The following AMD1 variants were observed in gnomAD, a reference collection of about 807,000 sequenced individuals.
The protein encoded by AMD1 is S-adenosylmethionine decarboxylase proenzyme.
In AMD1, 11 loss-of-function variants were observed where a neutral mutation model predicts 40.2. The ratio of observed to expected loss-of-function variants is 0.27; its 90% CI spans 0.17 to 0.45. The LOEUF (loss-of-function observed/expected upper bound fraction) is 0.45, where lower values mean the gene tolerates loss of function less well. AMD1 is among the 20% of genes least tolerant of loss of function. The pLI is 1.00. For synonymous variants in AMD1, 121 were observed against 130.8 expected (o/e 0.93, Z 0.51); for missense variants, 257 against 410.2 (o/e 0.63, Z 3.23).
At chr6:110,892,031 C>G (rs1010537299) in intron 4 of AMD1, 130 bp from the exon 5 acceptor site, 2 of 1,096,314 alleles carry the variant, frequency 1.8e-6, no homozygotes, top group African/African-American at 3.1e-5. Context: ...CTACTATGCC[C>G]AGTCCACTGA....
At chr6:110,893,197 T>G in intron 8 of AMD1, 132 bp downstream of exon 8, 2 of 963,162 alleles carry the variant, frequency 2.1e-6, no homozygotes, top group Non-Finnish European at 3.0e-6. Flanking sequence ...AGTAATATTG[T>G]TTGAGGTTAC....
the AMD1 span, among the ~76,000 whole-genome samples, chr6:110,835,623 T>C: frequency 2.0e-5 from 3 of 152,012 alleles, no homozygotes; most frequent in Non-Finnish European, 4.4e-5. Context: ...CCCAGCACTT[T>C]GGGAGGCCAA....
chr6:110,869,758 C>T, the AMD1 span, among the ~76,000 whole-genome samples: 1 of 152,254 alleles, frequency 6.6e-6, no homozygotes, highest in East Asian at 1.9e-4. Context: ...ATCCACCAGT[C>T]TTGGCCTCCC....
the AMD1 span, among the ~76,000 whole-genome samples, chr6:110,855,065 C>CTCTTTTTTTTTTTTTTTTTTTTTTTTTTT: frequency 1.2e-5 from 1 of 80,446 alleles, no homozygotes; most frequent in East Asian, 5.1e-4. Context: ...CTCTCTCTCT[C>CTCTTTTTTTTTTTTTTTTTTTTTTTTTTT]TTTTTTTTTT....
the AMD1 span, among the ~76,000 whole-genome samples, chr6:110,821,321 G>A: frequency 3.5e-4 from 54 of 152,190 alleles, no homozygotes; most frequent in South Asian, 6.2e-4. Context: ...GAGACAAGCC[G>A]GGCACAGTGG....
At chr6:110,839,774 A>C in the AMD1 span, among the ~76,000 whole-genome samples, 7,753 of 152,188 alleles carry the variant, frequency 0.051, 205 homozygotes, top group Middle Eastern at 0.078. Flanking sequence ...GACAATTATA[A>C]TTGGAGCTTA....
At chr6:110,883,562 C>T (rs1214768815) in intron 1 of AMD1, among the ~76,000 whole-genome samples, 1 of 152,142 alleles carries the variant, frequency 6.6e-6, no homozygotes, top group East Asian at 1.9e-4. Context: ...AGGCAGATGT[C>T]TAAAACAACG....
At chr6:110,867,595 TGGA>T in the AMD1 span, among the ~76,000 whole-genome samples, 1 of 152,212 alleles carries the variant, frequency 6.6e-6, no homozygotes, top group East Asian at 1.9e-4. Context: ...ACCAGGGAAG[TGGA>T]GGTTGCAGTG....
the AMD1 span, among the ~76,000 whole-genome samples, chr6:110,824,858 T>C: frequency 6.6e-6 from 1 of 152,168 alleles, no homozygotes; most frequent in Non-Finnish European, 1.5e-5. Flanking sequence ...CGTTAGCTAA[T>C]ATAAGCCTCA....
chr6:110,849,810 G>A, the AMD1 span, among the ~76,000 whole-genome samples: 6 of 152,128 alleles, frequency 3.9e-5, no homozygotes, highest in South Asian at 2.1e-4. Flanking sequence ...GCTTGAGCCC[G>A]TGAGTTCAAG....
the AMD1 span, among the ~76,000 whole-genome samples, chr6:110,867,286 C>T: frequency 1.3e-5 from 2 of 152,024 alleles, no homozygotes; most frequent in Admixed American, 1.3e-4. Context: ...ATAGCTGGGA[C>T]TACAAGCATG....
chr6:110,857,215 G>C, the AMD1 span, among the ~76,000 whole-genome samples: 1 of 151,490 alleles, frequency 6.6e-6, no homozygotes, highest in Non-Finnish European at 1.5e-5. Context: ...TAACAGAATA[G>C]CTTTTGTTCT....
the AMD1 span, among the ~76,000 whole-genome samples, chr6:110,836,872 G>A: frequency 6.6e-6 from 1 of 152,126 alleles, no homozygotes; most frequent in Non-Finnish European, 1.5e-5. Flanking sequence ...AATGTTTTCA[G>A]GCTAGGCACC....
chr6:110,857,785 T>G, the AMD1 span, among the ~76,000 whole-genome samples: 1 of 147,268 alleles, frequency 6.8e-6, no homozygotes, highest in Non-Finnish European at 1.5e-5. Context: ...TATATATATA[T>G]AGATGGTATA....
At chr6:110,849,370 CT>C in the AMD1 span, among the ~76,000 whole-genome samples, 1 of 152,108 alleles carries the variant, frequency 6.6e-6, no homozygotes, top group Non-Finnish European at 1.5e-5. Flanking sequence ...ATTTTGAAGT[CT>C]TCATCAGTAT....
the AMD1 span, among the ~76,000 whole-genome samples, chr6:110,827,634 G>A: frequency 1.3e-5 from 2 of 152,074 alleles, no homozygotes; most frequent in African/African-American, 4.8e-5. Flanking sequence ...GCGTGGTGGG[G>A]GGCACCTGTA....
chr6:110,858,631 C>A, the AMD1 span: 1 of 1,410,212 alleles, frequency 7.1e-7, no homozygotes, highest in Non-Finnish European at 1.0e-6. Flanking sequence ...TGAGTAAGGC[C>A]AGGACTAAGG....
At chr6:110,833,303 C>T in the AMD1 span, among the ~76,000 whole-genome samples, 1 of 152,154 alleles carries the variant, frequency 6.6e-6, no homozygotes, top group African/African-American at 2.4e-5. Flanking sequence ...TTACCTTCTA[C>T]AATGGCCAAG....
At chr6:110,860,837 A>C in the AMD1 span, among the ~76,000 whole-genome samples, 19,580 of 139,624 alleles carry the variant, frequency 0.14, 1,681 homozygotes, top group Middle Eastern at 0.24. Context: ...ACCCACCCAC[A>C]CACACACACA....
Sources: allele counts gnomAD v4.1 joint callset (sites outside exome capture counted in the v4.1 genomes callset), GRCh38; gene constraint gnomAD v4.1.1; transcripts MANE v1.5; gene names NCBI Gene and HGNC (gene_info 2026-07-23, HGNC 2026-07-21).